The following SLC6A6 variants were observed in gnomAD, a reference collection of about 807,000 sequenced individuals.
SLC6A6 encodes sodium- and chloride-dependent taurine transporter.
SLC6A6 carries 16 observed loss-of-function variants against 68.8 expected under a neutral mutation model. The ratio of observed to expected loss-of-function variants is 0.23; its 90% confidence interval spans 0.16 to 0.35. The LOEUF (loss-of-function observed/expected upper bound fraction) is 0.35. Ranked by LOEUF, SLC6A6 falls within the 10% of genes least tolerant of loss-of-function variation. The pLI, the probability that SLC6A6 is intolerant of heterozygous loss-of-function variation, is 1.00. For missense variants in SLC6A6, 474 were observed against 802.8 expected (o/e 0.59, Z 4.95); for synonymous variants, 312 against 315.4 (o/e 0.99, Z 0.12).
intron 6 of SLC6A6, among the ~76,000 whole-genome samples, chr3:14,460,524 C>T (rs2124970719): frequency 6.6e-6 from 1 of 152,238 alleles, no homozygotes; most frequent in Non-Finnish European, 1.5e-5. Flanking sequence ...TGCAAAGGCC[C>T]TGAGGTGTGT....
At chr3:14,444,806 C>G (rs1166478832) in intron 3 of SLC6A6, 3 of 456,556 alleles carry the variant, frequency 6.6e-6, no homozygotes, top group Non-Finnish European at 1.3e-5. Flanking sequence ...ATACACTAGA[C>G]CCAAGTTGCC....
intron 2 of SLC6A6, among the ~76,000 whole-genome samples, chr3:14,435,379 T>C (rs73132931): frequency 0.018 from 2,708 of 152,198 alleles, 94 homozygotes; most frequent in African/African-American, 0.062. Flanking sequence ...CGTACTTTGG[T>C]GGGGTGGAGG....
At chr3:14,402,590 C>G, upstream of SLC6A6, 1 of 397,864 alleles carries the variant, frequency 2.5e-6, no homozygotes, top group Non-Finnish European at 4.4e-6. This position sits in a 1 kb window ranked among gnomAD's most constrained non-coding sequence, Gnocchi z 4.8. Flanking sequence ...TTCCACCCAG[C>G]AGGATGGGTG....
intron 5 of SLC6A6, among the ~76,000 whole-genome samples, chr3:14,457,094 T>C (rs748112223): frequency 1.3e-5 from 2 of 152,216 alleles, no homozygotes; most frequent in Non-Finnish European, 2.9e-5. Context: ...TAAGAATGTC[T>C]GGGAGTAGGT....
intron 1 of SLC6A6, among the ~76,000 whole-genome samples, chr3:14,412,884 A>G (rs1010320059): frequency 6.6e-6 from 1 of 152,246 alleles, no homozygotes; most frequent in African/African-American, 2.4e-5. Context: ...TGCTGAGGGC[A>G]GGTAACTTGC....
intron 14 of SLC6A6, among the ~76,000 whole-genome samples, chr3:14,482,163 A>G (rs1025130479): frequency 1.9e-4 from 29 of 152,168 alleles, no homozygotes; most frequent in African/African-American, 6.5e-4. Context: ...TGGAGAGGTG[A>G]CTGTAGCTTT....
Position 14,481,594 on chromosome 3 carries a change from G to A in SLC6A6, c.1552-77G>A. On this transcript the variant is annotated intron_variant, in intron 13 of 14. Coordinates refer to ENST00000622186, the MANE Select transcript of SLC6A6 (RefSeq NM_003043.6). This position sits in a 1 kb window ranked among gnomAD's most constrained non-coding sequence, Gnocchi z 4.7. ...GAGAGAGACCCTTCCCTCAGGTTGAGGCCAGTCCTAGTCCCAGAAGCCCCC... is the reference window on the plus strand; with the variant it reads ...GAGAGAGACCCTTCCCTCAGGTTGAAGCCAGTCCTAGTCCCAGAAGCCCCC... 1.0e-6 allele frequency: 1 copy of A among 978,240 alleles called. No homozygotes were observed. Among genetic ancestry groups the A allele is most frequent in the Non-Finnish European group, 1.6e-6 (1 of 629,992 alleles). 60.6% of individuals were successfully genotyped at this position (978,240 alleles called of 1,614,324 possible).
At chr3:14,432,342 C>T (rs1192853719) in intron 2 of SLC6A6, among the ~76,000 whole-genome samples, 1 of 152,210 alleles carries the variant, frequency 6.6e-6, no homozygotes, top group Non-Finnish European at 1.5e-5. Flanking sequence ...CCCCCATTTC[C>T]GGCAAAACCA....
At chr3:14,469,957 A>G (rs997128487) in intron 9 of SLC6A6, among the ~76,000 whole-genome samples, 2 of 152,180 alleles carry the variant, frequency 1.3e-5, no homozygotes, top group Non-Finnish European at 2.9e-5. Context: ...GACTGAGGAC[A>G]CAGAATGTAA....
At chr3:14,406,055 G>C (rs1487651495) in intron 1 of SLC6A6, among the ~76,000 whole-genome samples, 10 of 152,202 alleles carry the variant, frequency 6.6e-5, no homozygotes, top group Admixed American at 6.5e-4. Flanking sequence ...TTCTCCACAG[G>C]GGGCAGAGTA....
chr3:14,447,914 C>CT (rs1271902913), intron 5 of SLC6A6, 98 bp downstream of exon 5: 3 of 1,532,868 alleles, frequency 2.0e-6, no homozygotes, highest in African/African-American at 2.7e-5. Flanking sequence ...GAGCCACTGT[C>CT]TTCGGGGGAG....
chr3:14,416,874 C>T (rs1242660498), intron 2 of SLC6A6, among the ~76,000 whole-genome samples: 1 of 152,238 alleles, frequency 6.6e-6, no homozygotes, highest in Non-Finnish European at 1.5e-5. Context: ...GACAGGGTCA[C>T]ACTCTGTCGC....
chr3:14,442,059 C>A (rs1456853165), intron 2 of SLC6A6, among the ~76,000 whole-genome samples: 1 of 152,240 alleles, frequency 6.6e-6, no homozygotes, highest in Non-Finnish European at 1.5e-5. Flanking sequence ...CTGGAGCCAG[C>A]CAAGCGAGTG....
chr3:14,444,065 G>A (rs1469626338), intron 3 of SLC6A6: 2 of 565,142 alleles, frequency 3.5e-6, no homozygotes, highest in Admixed American at 3.1e-5. Context: ...TCAGAGTACT[G>A]TTCTGCAGGG....
intron 10 of SLC6A6, among the ~76,000 whole-genome samples, chr3:14,475,219 A>G (rs1056724113): frequency 6.6e-6 from 1 of 151,878 alleles, no homozygotes; most frequent in Non-Finnish European, 1.5e-5. Context: ...TTTTGTAGAA[A>G]CAGGGTTTTG....
chr3:14,403,077 A>AGTGTGTGTGTGT (rs34547966), intron 1 of SLC6A6, among the ~76,000 whole-genome samples: 15 of 143,324 alleles, frequency 1.0e-4, no homozygotes, highest in Non-Finnish European at 6.1e-5. Flanking sequence ...GCGGCAGGAG[A>AGTGTGTGTGTGT]GTGTGTGTGT....
chr3:14,428,771 C>A (rs1699657443), intron 2 of SLC6A6, among the ~76,000 whole-genome samples: 1 of 152,180 alleles, frequency 6.6e-6, no homozygotes, highest in African/African-American at 2.4e-5. Flanking sequence ...AGAGCCTCCG[C>A]TGGCCTTTCC....
chr3:14,408,669 T>C (rs887699413), intron 1 of SLC6A6, among the ~76,000 whole-genome samples: 3 of 152,242 alleles, frequency 2.0e-5, no homozygotes, highest in African/African-American at 4.8e-5. Flanking sequence ...GCTTAAACTT[T>C]ATCCAGGTGT....
intron 2 of SLC6A6, among the ~76,000 whole-genome samples, chr3:14,432,431 G>A (rs1699746681): frequency 6.6e-6 from 1 of 152,166 alleles, no homozygotes; most frequent in African/African-American, 2.4e-5. Context: ...AGTGCCAGGA[G>A]GTGGCTGCCT....
Sources: gnomAD v4.1 joint callset for allele counts (sites outside exome capture counted in the v4.1 genomes callset) on GRCh38, gnomAD v4.1.1 for gene constraint, Gnocchi (gnomAD v3.1) non-coding constraint, MANE v1.5 for transcripts, NCBI Gene and HGNC (gene_info 2026-07-23, HGNC 2026-07-21) for gene names.